Variants in TNIK observed in about 807,000 individuals in gnomAD.
TNIK encodes TRAF2 and NCK interacting kinase.
TNIK carries 49 observed loss-of-function variants against 191.3 expected under a neutral mutation model. That is an observed-to-expected ratio of 0.26 (90% CI 0.20 to 0.32). The LOEUF is 0.32. Ranked by LOEUF, TNIK falls within the 10% of genes least tolerant of loss-of-function variation. The pLI, the probability that TNIK is intolerant of heterozygous loss-of-function variation, is 1.00. For missense variants in TNIK, 1,155 were observed against 1,702.3 expected (o/e 0.68, Z 5.66); for synonymous variants, 594 against 600.9 (o/e 0.99, Z 0.17).
intron 15 of TNIK, among the ~76,000 whole-genome samples, chr3:171,135,542 A>G (rs1449825331): frequency 6.6e-6 from 1 of 152,218 alleles, no homozygotes; most frequent in Admixed American, 6.5e-5. Flanking sequence ...TCATGAACAG[A>G]CAACGGTTAG....
intron 1 of TNIK, among the ~76,000 whole-genome samples, chr3:171,395,135 G>C (rs1453079546): frequency 1.3e-5 from 2 of 152,120 alleles, no homozygotes; most frequent in Non-Finnish European, 2.9e-5. Context: ...TTTATCAAAG[G>C]GAGATATGAG....
At chr3:171,133,346 C>T (rs760722686) in intron 15 of TNIK, among the ~76,000 whole-genome samples, 9 of 152,096 alleles carry the variant, frequency 5.9e-5, no homozygotes, top group East Asian at 3.9e-4. Context: ...AAGAGATAGG[C>T]GACGCCAGTG....
chr3:171,115,036 A>C (rs1371454058), intron 18 of TNIK, among the ~76,000 whole-genome samples: 2 of 152,364 alleles, frequency 1.3e-5, no homozygotes, highest in Non-Finnish European at 2.9e-5. Flanking sequence ...AAATAATTCC[A>C]AAAAAACTTG....
At chr3:171,459,212 GA>G (rs1169818495) in intron 1 of TNIK, among the ~76,000 whole-genome samples, 1 of 149,032 alleles carries the variant, frequency 6.7e-6, no homozygotes, top group African/African-American at 2.5e-5. Flanking sequence ...CAGACACGGG[GA>G]AAACACACAC....
At chr3:171,452,979 C>G (rs567782116) in intron 1 of TNIK, among the ~76,000 whole-genome samples, 2 of 152,164 alleles carry the variant, frequency 1.3e-5, no homozygotes, top group South Asian at 4.2e-4. Flanking sequence ...TAAAAAGTGT[C>G]CCCAGGAGTC....
chr3:171,310,707 A>C (rs1753926307), intron 2 of TNIK, among the ~76,000 whole-genome samples: 2 of 152,132 alleles, frequency 1.3e-5, no homozygotes. Context: ...GTTGTTAAGC[A>C]ATCTCTTGTT....
chr3:171,066,977 A>C (rs1002240903), intron 30 of TNIK, among the ~76,000 whole-genome samples: 1 of 152,146 alleles, frequency 6.6e-6, no homozygotes, highest in African/African-American at 2.4e-5. Flanking sequence ...CACACCTACT[A>C]TGTGCCAGTC....
chr3:171,074,782 G>A (rs1178754948), intron 28 of TNIK, among the ~76,000 whole-genome samples: 1 of 152,180 alleles, frequency 6.6e-6, no homozygotes, highest in Non-Finnish European at 1.5e-5. Context: ...GAAGATGTCA[G>A]TGCTGTTGTG....
chr3:171,155,387 A>G (rs997933702), intron 12 of TNIK, among the ~76,000 whole-genome samples: 1 of 152,220 alleles, frequency 6.6e-6, no homozygotes, highest in African/African-American at 2.4e-5. Flanking sequence ...CCACTGCGCT[A>G]TAGAATAAGA....
At position 171,295,502 on chromosome 3, in the gene TNIK, C is replaced by A. The variant is rs147879432; in HGVS notation, c.124-67281G>T. Among the ~76,000 whole-genome samples the A allele has an allele frequency of 4.5e-4, 69 of 152,256 alleles. No individual in the cohort carries two copies. In the South Asian group the frequency reaches 4.6e-3, roughly 10 times the overall value. On this transcript the variant is annotated intron_variant, in intron 2 of 32. Transcript: ENST00000436636. ...AGCTCCAAGCTGTCACATCTCCTGT[C>A]CCCCAACTGCCCTTTCTTTCCCAGC...
At chr3:171,353,382 A>G (rs932858877) in intron 2 of TNIK, among the ~76,000 whole-genome samples, 5 of 152,186 alleles carry the variant, frequency 3.3e-5, no homozygotes. Flanking sequence ...TTTCATCTGT[A>G]AAGCAGGGAT....
At chr3:171,298,958 G>GCA (rs1039361152) in intron 2 of TNIK, among the ~76,000 whole-genome samples, 23 of 152,226 alleles carry the variant, frequency 1.5e-4, no homozygotes, top group African/African-American at 5.3e-4. Flanking sequence ...TGGTGACCTT[G>GCA]CACATCCCCT....
intron 7 of TNIK, among the ~76,000 whole-genome samples, chr3:171,178,614 G>A (rs1418112561): frequency 1.3e-5 from 2 of 152,098 alleles, no homozygotes; most frequent in African/African-American, 4.8e-5. Flanking sequence ...GCATGAGAGG[G>A]GGAATATCAA....
At chr3:171,246,944 TG>T (rs1420699064) in intron 2 of TNIK, among the ~76,000 whole-genome samples, 1 of 152,060 alleles carries the variant, frequency 6.6e-6, no homozygotes. Context: ...AGAATAAGAC[TG>T]GGGGGAAGAC....
At chr3:171,343,301 A>AAC (rs879628135) in intron 2 of TNIK, among the ~76,000 whole-genome samples, 119 of 152,332 alleles carry the variant, frequency 7.8e-4, no homozygotes, top group Admixed American at 1.4e-3. Context: ...AATATGATGT[A>AAC]ATGAAAATGA....
rs1040850302 is a variant in TNIK, at chr3:171,084,411, T to G, written c.2999-86A>C. ...GCTTCAAAACACTATGATTTCTCCTTGTTTGGTTTGAATTATAGTAAAGGC... is the reference window on the plus strand; with the variant it reads ...GCTTCAAAACACTATGATTTCTCCTGGTTTGGTTTGAATTATAGTAAAGGC... On this transcript the variant is annotated intron_variant, in intron 25 of 32. Transcript: ENST00000436636. 16 of 1,463,414 alleles carry G rather than the reference T, an allele frequency of 1.1e-5. No individual in the cohort carries two copies. The African/African-American group carries it at 2.1e-4, about 19-fold the overall frequency. 90.7% of individuals were successfully genotyped at this position (1,463,414 alleles called of 1,614,324 possible).
chr3:171,077,489 G>A (rs1167616961), intron 28 of TNIK, among the ~76,000 whole-genome samples: 1 of 152,150 alleles, frequency 6.6e-6, no homozygotes, highest in Non-Finnish European at 1.5e-5. Context: ...ATCATTTGGA[G>A]ACCAGACTAG....
At chr3:171,340,554 T>C (rs995019288) in intron 2 of TNIK, among the ~76,000 whole-genome samples, 19 of 152,168 alleles carry the variant, frequency 1.2e-4, no homozygotes, top group Non-Finnish European at 1.8e-4. Flanking sequence ...ACAACTCAAG[T>C]CTTCTGAAGT....
At position 171,071,278 on chromosome 3, in the gene TNIK, G is replaced by A. The variant is rs1471122381; in HGVS notation, c.3494C>T (p.Ala1165Val). The change falls in exon 29 of 33, where the codon GCT becomes GTT. Residue 1165 changes from alanine (A) to valine (V), a missense_variant. Ala to Val is a moderately conservative substitution (Grantham distance 64). Transcript: ENST00000436636. ...IKFLVIALKNAVEIYAWAPKP... is the reference protein window; with the variant it reads ...IKFLVIALKNVVEIYAWAPKP... ...AGGAGCCCAAGCATATATTTCCACA[G>A]CATTCTTTAAGGCAATCACCAAAAA... The A allele has an allele frequency of 1.2e-6, 2 of 1,604,994 alleles. No individual in the cohort carries two copies. Among genetic ancestry groups the A allele is most frequent in the African/African-American group, 2.7e-5 (2 of 74,784 alleles).
Sources: allele counts gnomAD v4.1 joint callset (sites outside exome capture counted in the v4.1 genomes callset), GRCh38; gene constraint gnomAD v4.1.1; transcripts MANE v1.5; gene names NCBI Gene and HGNC (gene_info 2026-07-23, HGNC 2026-07-21).